ENTHD1: variants seen among roughly 807,000 people sequenced by gnomAD.
ENTHD1 encodes the protein ENTH domain-containing protein 1.
ENTHD1 carries 23 observed loss-of-function variants against 39.1 expected under a neutral mutation model. The observed-to-expected ratio is 0.59, with a 90% CI of 0.42 to 0.83. The LOEUF is 0.83. Ranked by LOEUF, ENTHD1 falls within the 40% of genes least tolerant of loss-of-function variation. ENTHD1 has a pLI of 0.00. For synonymous variants in ENTHD1, 230 were observed against 258.2 expected, an observed-to-expected ratio of 0.89 and a Z score of 1.05; for missense variants, 624 against 705.4, an observed-to-expected ratio of 0.88 and a Z score of 1.31.
intron 2 of ENTHD1, among the ~76,000 whole-genome samples, chr22:39,870,272 G>A (rs2066231317): frequency 6.6e-6 from 1 of 152,022 alleles, no homozygotes; most frequent in South Asian, 2.1e-4. Context: ...ACCTCCCAAA[G>A]TGATGGGATT....
At chr22:39,773,117 C>CAAAAAA (rs57398699) in intron 5 of ENTHD1, among the ~76,000 whole-genome samples, 23 of 36,136 alleles carry the variant, frequency 6.4e-4, no homozygotes, top group African/African-American at 1.0e-3. Flanking sequence ...GACCTCATCT[C>CAAAAAA]AAAAAAAAAA....
chr22:39,889,958 C>T (rs2066413063), intron 1 of ENTHD1, among the ~76,000 whole-genome samples: 1 of 151,882 alleles, frequency 6.6e-6, no homozygotes, highest in South Asian at 2.1e-4. Flanking sequence ...ATTAGCCAGG[C>T]TTGGTGGCAC....
chr22:39,824,172 C>A (rs1055484265), intron 4 of ENTHD1, among the ~76,000 whole-genome samples: 9 of 138,616 alleles, frequency 6.5e-5, no homozygotes, highest in Non-Finnish European at 1.3e-4. Flanking sequence ...TCATATTTTT[C>A]CTTTTAGGGA....
At chr22:39,845,183 G>T (rs2065977074) in intron 3 of ENTHD1, among the ~76,000 whole-genome samples, 1 of 151,398 alleles carries the variant, frequency 6.6e-6, no homozygotes, top group African/African-American at 2.4e-5. Flanking sequence ...ACAAACAACA[G>T]CCAAAGTTTA....
intron 2 of ENTHD1, 152 bp downstream of exon 2, chr22:39,887,248 C>T (rs983885024): frequency 9.7e-6 from 6 of 615,762 alleles, no homozygotes; most frequent in African/African-American, 5.6e-5. Flanking sequence ...TTGCCCAGGC[C>T]GGAGTACAGT....
intron 6 of ENTHD1, among the ~76,000 whole-genome samples, chr22:39,755,874 A>C (rs149703572): frequency 8.5e-5 from 13 of 152,258 alleles, no homozygotes; most frequent in African/African-American, 3.1e-4. Context: ...TCTTTGTTCT[A>C]TAGATGAAGA....
At chr22:39,843,793 A>G (rs1044590919) in intron 3 of ENTHD1, among the ~76,000 whole-genome samples, 1 of 152,072 alleles carries the variant, frequency 6.6e-6, no homozygotes, top group Non-Finnish European at 1.5e-5. Flanking sequence ...TTCCTTAGCT[A>G]GGGGGCATGA....
At chr22:39,773,010 G>A (rs963593377) in intron 5 of ENTHD1, among the ~76,000 whole-genome samples, 15 of 150,760 alleles carry the variant, frequency 9.9e-5, no homozygotes, top group African/African-American at 1.5e-4. Context: ...CTAGCTAGGC[G>A]CAGTGGCTTA....
intron 4 of ENTHD1, among the ~76,000 whole-genome samples, chr22:39,826,986 T>C (rs1416723790): frequency 1.3e-5 from 2 of 151,844 alleles, no homozygotes; most frequent in Non-Finnish European, 2.9e-5. Context: ...CGGCTGGGAC[T>C]ATAAGCGCAT....
At chr22:39,830,870 T>C (rs561250578) in intron 4 of ENTHD1, among the ~76,000 whole-genome samples, 13 of 152,182 alleles carry the variant, frequency 8.5e-5, no homozygotes, top group Non-Finnish European at 1.8e-4. Flanking sequence ...TGGGGATGTC[T>C]CCCTTCTCCA....
At chr22:39,753,443 C>T (rs1310722218) in intron 6 of ENTHD1, among the ~76,000 whole-genome samples, 1 of 152,178 alleles carries the variant, frequency 6.6e-6, no homozygotes, top group Non-Finnish European at 1.5e-5. Context: ...GAGGTTGCAG[C>T]AGCAAATACA....
At chr22:39,844,926 ATC>A (rs969209563) in intron 3 of ENTHD1, among the ~76,000 whole-genome samples, 8 of 152,190 alleles carry the variant, frequency 5.3e-5, no homozygotes, top group African/African-American at 1.9e-4. Flanking sequence ...GCTTGAAGGC[ATC>A]TCTCCCCCAC....
chr22:39,816,427 A>G (rs990046814), intron 5 of ENTHD1, among the ~76,000 whole-genome samples: 1 of 152,240 alleles, frequency 6.6e-6, no homozygotes, highest in African/African-American at 2.4e-5. Flanking sequence ...ATACTAGTTA[A>G]ATAAAATAGT....
chr22:39,787,579 G>T (rs1167435742), intron 5 of ENTHD1, among the ~76,000 whole-genome samples: 3 of 152,142 alleles, frequency 2.0e-5, no homozygotes, highest in Non-Finnish European at 4.4e-5. Context: ...TTGTTGATAT[G>T]GAAAAAGTCT....
intron 3 of ENTHD1, among the ~76,000 whole-genome samples, chr22:39,856,870 A>G (rs1272746246): frequency 2.3e-5 from 3 of 130,516 alleles, no homozygotes; most frequent in African/African-American, 8.1e-5. Flanking sequence ...AAAAAAAAAG[A>G]AAGAAAGAAA....
intron 5 of ENTHD1, among the ~76,000 whole-genome samples, chr22:39,820,531 G>T (rs1464031005): frequency 6.6e-6 from 1 of 152,130 alleles, no homozygotes; most frequent in Non-Finnish European, 1.5e-5. Flanking sequence ...AGCCCAGTTG[G>T]AACTCAATCG....
At chr22:39,889,715 A>C (rs1045400728) in intron 1 of ENTHD1, among the ~76,000 whole-genome samples, 2 of 152,198 alleles carry the variant, frequency 1.3e-5, no homozygotes, top group Non-Finnish European at 2.9e-5. Flanking sequence ...ATCCCAAATA[A>C]ACTATCACTT....
chr22:39,811,734 C>T (rs2065687788), intron 5 of ENTHD1, among the ~76,000 whole-genome samples: 1 of 152,112 alleles, frequency 6.6e-6, no homozygotes, highest in African/African-American at 2.4e-5. Flanking sequence ...AATCCCAGCA[C>T]TTTGGGAGGC....
At chr22:39,819,825 C>T (rs1470781085) in intron 5 of ENTHD1, among the ~76,000 whole-genome samples, 1 of 152,174 alleles carries the variant, frequency 6.6e-6, no homozygotes, top group Non-Finnish European at 1.5e-5. Context: ...GAACTCTTTA[C>T]TTTCTGCTCA....
Sources: gnomAD v4.1 joint callset for allele counts (sites outside exome capture counted in the v4.1 genomes callset) on GRCh38, gnomAD v4.1.1 for gene constraint, MANE v1.5 for transcripts, NCBI Gene and HGNC (gene_info 2026-07-23, HGNC 2026-07-21) for gene names.